Variants in RYR3 observed in about 807,000 individuals in gnomAD.
RYR3 encodes ryanodine receptor 3.
Under a neutral mutation model 584.3 loss-of-function variants are expected in RYR3, and 207 were observed. The ratio of observed to expected loss-of-function variants is 0.35; its 90% CI spans 0.32 to 0.40. The LOEUF is 0.40. Among genes scored for constraint, RYR3 ranks in the 10% least tolerant of loss-of-function variants. The probability of loss-of-function intolerance (pLI) is 1.00; values close to 1 mark genes in which losing one functional copy is unlikely to be tolerated. For synonymous variants in RYR3, 2,416 were observed against 2,248.5 expected, an observed-to-expected ratio of 1.07 and a Z score of -2.11; for missense variants, 5,616 against 6,089.2, an observed-to-expected ratio of 0.92 and a Z score of 2.59.
At chr15:33,828,668 A>G (rs2077501403) in intron 85 of RYR3, among the ~76,000 whole-genome samples, 1 of 152,240 alleles carries the variant, frequency 6.6e-6, no homozygotes. Flanking sequence ...GAAGGCTGAG[A>G]GAGGTAAGGA....
At chr15:33,811,376 G>T (rs1289270739) in intron 72 of RYR3, among the ~76,000 whole-genome samples, 1 of 151,920 alleles carries the variant, frequency 6.6e-6, no homozygotes, top group Non-Finnish European at 1.5e-5. Context: ...GTGGTGGCGG[G>T]CGCCTGTAGT....
chr15:33,503,578 C>T, intron 2 of RYR3, 53 bp from the exon 3 acceptor site: 1 of 1,057,686 alleles, frequency 9.5e-7, no homozygotes, highest in South Asian at 1.4e-5. Flanking sequence ...TGTTGCGTGA[C>T]TGATCTCTGA....
At chr15:33,653,669 C>CA (rs35053294) in intron 32 of RYR3, among the ~76,000 whole-genome samples, 1,673 of 143,896 alleles carry the variant, frequency 0.012, 59 homozygotes, top group East Asian at 0.065. Flanking sequence ...GACTCCATCT[C>CA]AAAAAAAAAA....
chr15:33,333,129 T>G (rs930603918), intron 1 of RYR3, among the ~76,000 whole-genome samples: 4 of 141,614 alleles, frequency 2.8e-5, no homozygotes, highest in Admixed American at 2.1e-4. Context: ...TTCTGCCAGA[T>G]GTACAAAGAA....
chr15:33,573,874 T>C (rs898378073), intron 12 of RYR3, among the ~76,000 whole-genome samples: 1 of 152,202 alleles, frequency 6.6e-6, no homozygotes, highest in Admixed American at 6.5e-5. Context: ...GTTTTCACCA[T>C]TGTTCCCCAT....
chr15:33,425,391 T>TTCA (rs1289733017), intron 1 of RYR3, among the ~76,000 whole-genome samples: 1 of 152,172 alleles, frequency 6.6e-6, no homozygotes, highest in African/African-American at 2.4e-5. Context: ...TCCAAAACAG[T>TTCA]TCAGCCTTCT....
chr15:33,428,353 T>C (rs1476141326), intron 1 of RYR3, among the ~76,000 whole-genome samples: 1 of 152,172 alleles, frequency 6.6e-6, no homozygotes, highest in East Asian at 1.9e-4. Flanking sequence ...CAAAGAAAGG[T>C]TTTGCTTTCT....
chr15:33,439,008 A>G (rs2045983038), intron 1 of RYR3, among the ~76,000 whole-genome samples: 1 of 152,220 alleles, frequency 6.6e-6, no homozygotes. Context: ...GTCGAGCAGT[A>G]TTAGTAACTT....
chr15:33,815,670 A>T (rs1171192361), intron 74 of RYR3, among the ~76,000 whole-genome samples: 1 of 152,238 alleles, frequency 6.6e-6, no homozygotes, highest in Non-Finnish European at 1.5e-5. Context: ...AGTAGATTTC[A>T]TAACAACAGA....
Position 33,755,061 on chromosome 15 carries a change from G to A in RYR3, c.8400-4G>A, listed in dbSNP as rs780514224. On this transcript the variant is annotated splice_region_variant and splice_polypyrimidine_tract_variant and intron_variant, in intron 57 of 103. Transcript: ENST00000634891. ...TTCCTGGGGTCTGTCCATGTCCAAC[G>A]TAGGGGTATGAAGGATATGGAGCTG... 5.1e-6 allele frequency: 8 copies of A among 1,577,246 alleles called. No individual in the cohort carries two copies. In the East Asian group the frequency reaches 9.0e-5, roughly 18 times the overall value.
At chr15:33,573,078 G>T (rs1371165120) in intron 12 of RYR3, among the ~76,000 whole-genome samples, 2 of 151,606 alleles carry the variant, frequency 1.3e-5, no homozygotes, top group East Asian at 3.9e-4. Context: ...GAATGATTTT[G>T]CCCAATTTTT....
chr15:33,852,025 T>C (rs1333662185), intron 94 of RYR3: 1 of 147,560 alleles, frequency 6.8e-6, no homozygotes, highest in Non-Finnish European at 1.5e-5. Flanking sequence ...AAAAACATTT[T>C]TTTTTAAATA....
chr15:33,338,523 G>A lies in RYR3; in HGVS notation c.51+27427G>A, dbSNP rs539590629. Among the ~76,000 whole-genome samples, 6 of 152,300 alleles carry A rather than the reference G, an allele frequency of 3.9e-5. No individual in the cohort carries two copies. In the South Asian group the frequency reaches 1.0e-3, roughly 26 times the overall value. On this transcript the variant is annotated intron_variant, in intron 1 of 103. Coordinates refer to ENST00000634891, the MANE Select transcript of RYR3 (RefSeq NM_001036.6). ...CTGGTGGGCTGGGGTGACTGCACCT[G>A]TAAAGACAAGTTATCAATTTCCATT...
At chr15:33,421,350 A>G (rs936552250) in intron 1 of RYR3, among the ~76,000 whole-genome samples, 3 of 152,204 alleles carry the variant, frequency 2.0e-5, no homozygotes, top group Admixed American at 1.3e-4. Flanking sequence ...ACAAGACTAA[A>G]GACACAGAGA....
intron 1 of RYR3, among the ~76,000 whole-genome samples, chr15:33,435,529 T>C (rs949161687): frequency 1.3e-5 from 2 of 152,226 alleles, no homozygotes; most frequent in African/African-American, 2.4e-5. Context: ...TGAGAATTTC[T>C]TCAGGATTTA....
intron 69 of RYR3, among the ~76,000 whole-genome samples, chr15:33,805,905 TC>T (rs374511130): frequency 2.4e-4 from 36 of 151,448 alleles, no homozygotes; most frequent in Middle Eastern, 3.4e-3. Flanking sequence ...TCTTCTCCTC[TC>T]CCCCTCCCCT....
At chr15:33,851,736 G>C (rs1452239010) in intron 94 of RYR3, 1 of 152,138 alleles carries the variant, frequency 6.6e-6, no homozygotes, top group Non-Finnish European at 1.5e-5. Context: ...ACCAGGCTGA[G>C]TTGTATGTTA....
chr15:33,574,200 A>G (rs989913013), intron 12 of RYR3, among the ~76,000 whole-genome samples: 4 of 152,182 alleles, frequency 2.6e-5, no homozygotes, highest in African/African-American at 9.7e-5. Flanking sequence ...AGCTACAAAA[A>G]TGTCTATAAA....
At chr15:33,659,097 CAG>C (rs1183151984) in intron 32 of RYR3, among the ~76,000 whole-genome samples, 3 of 152,118 alleles carry the variant, frequency 2.0e-5, no homozygotes, top group African/African-American at 7.2e-5. Context: ...GTGGTGGGGG[CAG>C]AGAGTGCTGC....
Sources: gnomAD v4.1 joint callset for allele counts (sites outside exome capture counted in the v4.1 genomes callset) on GRCh38, gnomAD v4.1.1 for gene constraint, MANE v1.5 for transcripts, NCBI Gene and HGNC (gene_info 2026-07-23, HGNC 2026-07-21) for gene names.